SLC44A1: variants seen among roughly 807,000 people sequenced by gnomAD.
The protein encoded by SLC44A1 is choline transporter-like protein 1.
Under a neutral mutation model 79.3 loss-of-function variants are expected in SLC44A1, and 26 were observed. The ratio of observed to expected loss-of-function variants is 0.33; its 90% CI spans 0.24 to 0.46. The LOEUF (loss-of-function observed/expected upper bound fraction) is 0.46, where lower values mean the gene tolerates loss of function less well. Among genes scored for constraint, SLC44A1 ranks in the 20% least tolerant of loss-of-function variants. The pLI, the probability that SLC44A1 is intolerant of heterozygous loss-of-function variation, is 1.00. For synonymous variants in SLC44A1, 263 were observed against 286.2 expected (o/e 0.92, Z 0.82); for missense variants, 688 against 798.1 (o/e 0.86, Z 1.66).
chr9:105,260,715 A>G (rs954476567), intron 1 of SLC44A1, among the ~76,000 whole-genome samples: 1 of 152,216 alleles, frequency 6.6e-6, no homozygotes, highest in Admixed American at 6.5e-5. Context: ...TTGAAACTTG[A>G]TAATATGAAC....
intron 8 of SLC44A1, 90 bp downstream of exon 8, chr9:105,361,420 A>C (rs1301101313): frequency 8.1e-7 from 1 of 1,239,738 alleles, no homozygotes. Context: ...TAGCTTTTGC[A>C]TTCCTAACCC....
At chr9:105,287,209 A>C (rs1423732398) in intron 1 of SLC44A1, among the ~76,000 whole-genome samples, 2 of 152,098 alleles carry the variant, frequency 1.3e-5, no homozygotes, top group African/African-American at 4.8e-5. Flanking sequence ...AAGACCTCAC[A>C]GTCTGTATGT....
chr9:105,396,265 TAGAGCTTTAATCTAAAGAA>T lies in SLC44A1; in HGVS notation c.*7210_*7228del. On this transcript the variant is annotated 3_prime_UTR_variant, in exon 16 of 16. Transcript: ENST00000374720. ...TCTGGACCACTGAATGCACTTCTAA[TAGAGCTTTAATCTAAAGAA>T]GTTAGTTCAGTGGTTATTAACTGAT... The T allele has an allele frequency of 2.0e-6, 2 of 985,122 alleles. No individual in the cohort carries two copies. Among genetic ancestry groups the T allele is most frequent in the South Asian group, 9.4e-5 (2 of 21,282 alleles). 61.0% of individuals were successfully genotyped at this position (985,122 alleles called of 1,614,324 possible).
chr9:105,365,278 T>G (rs1308918613), intron 10 of SLC44A1, among the ~76,000 whole-genome samples: 1 of 152,202 alleles, frequency 6.6e-6, no homozygotes, highest in Non-Finnish European at 1.5e-5. Context: ...CCCATGAAAC[T>G]ACCATAGAGC....
chr9:105,314,802 A>G (rs1831275865), intron 3 of SLC44A1, among the ~76,000 whole-genome samples: 1 of 152,246 alleles, frequency 6.6e-6, no homozygotes, highest in Non-Finnish European at 1.5e-5. Context: ...ATTACCTAGT[A>G]AAAACAGAAT....
intron 4 of SLC44A1, among the ~76,000 whole-genome samples, chr9:105,344,866 G>A (rs1378312561): frequency 1.3e-5 from 2 of 152,124 alleles, no homozygotes; most frequent in Non-Finnish European, 2.9e-5. Context: ...GGTCAGAGAA[G>A]GCTTGACAGA....
rs200002341 is a variant in SLC44A1 at position 105,392,386 on chromosome 9, G to GCTCT, written c.*3345_*3348dup. 4.2e-5 allele frequency: 36 copies of GCTCT among 860,346 alleles called. No homozygotes were observed. The highest frequency in any genetic ancestry group is 1.2e-3 in the Middle Eastern group (2 of 1,704). 53.3% of individuals were successfully genotyped at this position (860,346 alleles called of 1,614,324 possible). On this transcript the variant is annotated 3_prime_UTR_variant, in exon 16 of 16. Coordinates refer to ENST00000374720, the MANE Select transcript of SLC44A1 (RefSeq NM_080546.5). ...AGAAATGTTTTTCTTTTGTAGAGATGCTCTCTCTCTCTCTCTCTTTTTTTT... is the reference window on the plus strand; with the variant it reads ...AGAAATGTTTTTCTTTTGTAGAGATGCTCTCTCTCTCTCTCTCTCTCTTTTTTTT...
intron 1 of SLC44A1, among the ~76,000 whole-genome samples, chr9:105,253,650 C>G (rs560879320): frequency 6.6e-6 from 1 of 152,262 alleles, no homozygotes; most frequent in South Asian, 2.1e-4. Context: ...AGGAAGATCT[C>G]TTGAGTCTGG....
At chr9:105,340,239 T>C (rs990251871) in intron 4 of SLC44A1, among the ~76,000 whole-genome samples, 1 of 152,248 alleles carries the variant, frequency 6.6e-6, no homozygotes, top group African/African-American at 2.4e-5. Flanking sequence ...TGACACATGC[T>C]ATAACATGGA....
At position 105,265,959 on chromosome 9, in the gene SLC44A1, CTG is replaced by C. The variant is rs1007058265; in HGVS notation, c.36+21067_36+21068del. Reference sequence around the variant, plus strand: ...ATTATTGCTCTCTCTCTCTCTTTCTCTGTGTGTGTGTGTTAAGAGACATGGTC... The same window carrying C: ...ATTATTGCTCTCTCTCTCTCTTTCTCTGTGTGTGTGTTAAGAGACATGGTC... On this transcript the variant is annotated intron_variant, in intron 1 of 15. Transcript: ENST00000374720. Among the ~76,000 whole-genome samples the C allele has an allele frequency of 8.1e-3, 1,222 of 151,458 alleles. 11 individuals carry two copies. Among genetic ancestry groups the C allele is most frequent in the African/African-American group, 0.028 (1,156 of 41,172 alleles).
intron 11 of SLC44A1, 50 bp from the exon 12 acceptor site, chr9:105,366,296 A>C: frequency 2.1e-6 from 2 of 950,086 alleles, no homozygotes; most frequent in Non-Finnish European, 3.1e-6. Context: ...CTTCTATGTG[A>C]CAGTTTGATT....
chr9:105,262,970 AG>A (rs1041608641), intron 1 of SLC44A1, among the ~76,000 whole-genome samples: 1 of 152,212 alleles, frequency 6.6e-6, no homozygotes, highest in Non-Finnish European at 1.5e-5. Flanking sequence ...AAGGAGGTGG[AG>A]GTGGGATAAA....
intron 1 of SLC44A1, among the ~76,000 whole-genome samples, chr9:105,280,250 T>C (rs1340687529): frequency 6.6e-6 from 1 of 152,184 alleles, no homozygotes; most frequent in Non-Finnish European, 1.5e-5. Flanking sequence ...ATAATGGTCA[T>C]GAGTTGAGGT....
rs1284305032 is a variant in SLC44A1, at chr9:105,260,098, G to A, written c.36+15194G>A. 2.6e-5 allele frequency among the ~76,000 whole-genome samples: 4 copies of A among 152,126 alleles called. No individual in the cohort carries two copies. The East Asian group carries it at 7.7e-4, about 29-fold the overall frequency. ...ATATCTTAATCAGGATTTCTCCCAA[G>A]TATGTGCTTCCAAAGCACCAGGGCT... On this transcript the variant is annotated intron_variant, in intron 1 of 15. Transcript: ENST00000374720.
chr9:105,417,004 G>C (rs925739359), intron 15 of SLC44A1, among the ~76,000 whole-genome samples: 4 of 152,182 alleles, frequency 2.6e-5, no homozygotes, highest in African/African-American at 9.7e-5. Context: ...CATTTGACCT[G>C]TGTGCTGTAA....
rs925007701 is a variant in SLC44A1 at position 105,386,123 on chromosome 9, G to T, written c.1950+621G>T. The T allele has an allele frequency of 2.2e-5, 22 of 982,018 alleles. No individual in the cohort carries two copies. The African/African-American group carries it at 3.5e-4, about 16-fold the overall frequency. 60.8% of individuals were successfully genotyped at this position (982,018 alleles called of 1,614,324 possible). A position where few individuals can be genotyped will look rare whatever the true frequency, so the allele number is the denominator to read the frequency against. On this transcript the variant is annotated intron_variant, in intron 15 of 15. Coordinates refer to ENST00000374720, the MANE Select transcript of SLC44A1 (RefSeq NM_080546.5). ...CTTCTCCCAGTTTAATTGTGAGATG[G>T]ATAAATTATTTCTGGTAGTTGATAT...
At chr9:105,259,058 C>A (rs1452056416) in intron 1 of SLC44A1, among the ~76,000 whole-genome samples, 1 of 152,080 alleles carries the variant, frequency 6.6e-6, no homozygotes, top group Non-Finnish European at 1.5e-5. Context: ...GCACCTCAAA[C>A]TATAGAGGCC....
chr9:105,385,581 A>C, intron 15 of SLC44A1, 79 bp downstream of exon 15: 13 of 1,538,480 alleles, frequency 8.4e-6, no homozygotes, highest in Non-Finnish European at 1.1e-5. Context: ...CACTGACTGC[A>C]CTTCTTCAGG....
At chr9:105,340,017 G>A (rs563811566) in intron 4 of SLC44A1, among the ~76,000 whole-genome samples, 1 of 152,174 alleles carries the variant, frequency 6.6e-6, no homozygotes, top group South Asian at 2.1e-4. Context: ...AAAAGTAGAA[G>A]TGTGGTTGCC....
Sources: allele counts gnomAD v4.1 joint callset (sites outside exome capture counted in the v4.1 genomes callset), GRCh38; gene constraint gnomAD v4.1.1; transcripts MANE v1.5; gene names NCBI Gene and HGNC (gene_info 2026-07-23, HGNC 2026-07-21).